Variants in KIAA1217 observed in about 807,000 individuals in gnomAD.
KIAA1217 encodes the protein sickle tail protein homolog.
Under a neutral mutation model 163.9 loss-of-function variants are expected in KIAA1217, and 88 were observed. The ratio of observed to expected loss-of-function variants is 0.54; its 90% CI spans 0.45 to 0.64. KIAA1217 has a LOEUF of 0.64. Ranked by LOEUF, KIAA1217 falls within the 30% of genes least tolerant of loss-of-function variation. KIAA1217 has a pLI of 0.00. For synonymous variants in KIAA1217, 903 were observed against 923.1 expected, an observed-to-expected ratio of 0.98 and a Z score of 0.39; for missense variants, 2,372 against 2,475.0, an observed-to-expected ratio of 0.96 and a Z score of 0.88.
intron 4 of KIAA1217, 22 bp downstream of exon 4, chr10:24,433,215 T>C: frequency 6.3e-7 from 1 of 1,586,996 alleles, no homozygotes; most frequent in Non-Finnish European, 8.6e-7. Context: ...CATCATTTTT[T>C]GCCTGCCATT....
chr10:24,106,106 C>T (rs1448903731), intron 2 of KIAA1217, among the ~76,000 whole-genome samples: 1 of 152,108 alleles, frequency 6.6e-6, no homozygotes, highest in Non-Finnish European at 1.5e-5. Flanking sequence ...CAGATGGTGG[C>T]AGTGTATGTG....
intron 2 of KIAA1217, among the ~76,000 whole-genome samples, chr10:24,044,554 T>C (rs1848853909): frequency 6.6e-6 from 1 of 152,092 alleles, no homozygotes; most frequent in African/African-American, 2.4e-5. Context: ...TAGACTAGTG[T>C]AGTGACCCTT....
chr10:24,451,090 A>G (rs1353768289), intron 5 of KIAA1217, among the ~76,000 whole-genome samples: 1 of 152,182 alleles, frequency 6.6e-6, no homozygotes, highest in Non-Finnish European at 1.5e-5. Flanking sequence ...AGTGAACATC[A>G]GAGAGTGTAG....
chr10:24,295,058 A>G (rs2040426033), intron 2 of KIAA1217, among the ~76,000 whole-genome samples: 1 of 152,194 alleles, frequency 6.6e-6, no homozygotes, highest in Non-Finnish European at 1.5e-5. Context: ...TAAAACCAAC[A>G]TAGTATTGGG....
chr10:24,043,347 A>G (rs1253350464), intron 2 of KIAA1217, among the ~76,000 whole-genome samples: 1 of 152,094 alleles, frequency 6.6e-6, no homozygotes, highest in Non-Finnish European at 1.5e-5. Context: ...GGGAGTTTTT[A>G]TTTTCTAAAA....
chr10:23,843,365 C>T (rs924425073), intron 1 of KIAA1217, among the ~76,000 whole-genome samples: 1 of 152,038 alleles, frequency 6.6e-6, no homozygotes, highest in Admixed American at 6.6e-5. Context: ...AAGCCTTTTT[C>T]CAACTCCCAG....
intron 2 of KIAA1217, among the ~76,000 whole-genome samples, chr10:24,243,117 T>G (rs1388856995): frequency 6.6e-6 from 1 of 152,186 alleles, no homozygotes; most frequent in East Asian, 1.9e-4. Flanking sequence ...TTGTTGCAAT[T>G]GAAAGCAAAT....
intron 1 of KIAA1217, among the ~76,000 whole-genome samples, chr10:23,870,309 C>T (rs1840398160): frequency 6.6e-6 from 1 of 152,080 alleles, no homozygotes; most frequent in African/African-American, 2.4e-5. Flanking sequence ...TTCCTGCTCA[C>T]TGCTTGGCCA....
intron 2 of KIAA1217, among the ~76,000 whole-genome samples, chr10:24,012,764 T>C (rs1018748437): frequency 1.3e-5 from 2 of 152,098 alleles, no homozygotes; most frequent in African/African-American, 2.4e-5. Flanking sequence ...GAAGTCAAGG[T>C]TGTTTCTTAA....
intron 1 of KIAA1217, among the ~76,000 whole-genome samples, chr10:23,721,655 T>C (rs1837878730): frequency 6.6e-6 from 1 of 152,054 alleles, no homozygotes; most frequent in South Asian, 2.1e-4. Flanking sequence ...TGAAGATAAA[T>C]AAATTGTTAA....
chr10:24,478,979 G>A (rs2064341402), intron 6 of KIAA1217, among the ~76,000 whole-genome samples: 1 of 152,180 alleles, frequency 6.6e-6, no homozygotes, highest in Admixed American at 6.5e-5. Flanking sequence ...AACTTGAACT[G>A]AGATTGTATT....
At chr10:23,936,235 G>A (rs1843519150) in intron 1 of KIAA1217, among the ~76,000 whole-genome samples, 1 of 152,120 alleles carries the variant, frequency 6.6e-6, no homozygotes, top group South Asian at 2.1e-4. Flanking sequence ...GAGGTCATGG[G>A]GACCCATGAT....
intron 2 of KIAA1217, among the ~76,000 whole-genome samples, chr10:24,272,235 G>A (rs562227317): frequency 2.6e-5 from 4 of 152,328 alleles, no homozygotes; most frequent in African/African-American, 9.6e-5. Context: ...AGGGATGTCA[G>A]TGGTGCTCAC....
intron 2 of KIAA1217, among the ~76,000 whole-genome samples, chr10:24,281,965 G>A (rs1397389629): frequency 6.6e-6 from 1 of 152,100 alleles, no homozygotes; most frequent in Non-Finnish European, 1.5e-5. Flanking sequence ...GCTGAGGCAG[G>A]AGAATGGTGT....
chr10:24,170,574 G>C (rs7921603), intron 2 of KIAA1217, among the ~76,000 whole-genome samples: 2 of 152,162 alleles, frequency 1.3e-5, no homozygotes, highest in Non-Finnish European at 2.9e-5. Flanking sequence ...TAAGTCCAAA[G>C]TCAGTGATAT....
At chr10:24,401,416 G>A (rs986338936) in intron 3 of KIAA1217, among the ~76,000 whole-genome samples, 6 of 152,108 alleles carry the variant, frequency 3.9e-5, no homozygotes, top group African/African-American at 7.2e-5. Context: ...GTTTATTCCA[G>A]GTATGCACGG....
At chr10:24,351,006 A>C (rs557414269) in intron 2 of KIAA1217, among the ~76,000 whole-genome samples, 1 of 152,180 alleles carries the variant, frequency 6.6e-6, no homozygotes, top group East Asian at 1.9e-4. Context: ...GAGTGCAAGT[A>C]GTGTGATCTC....
chr10:23,750,962 C>A (rs1839701474), intron 1 of KIAA1217, among the ~76,000 whole-genome samples: 1 of 151,222 alleles, frequency 6.6e-6, no homozygotes, highest in Non-Finnish European at 1.5e-5. Context: ...CCTTCCCCTC[C>A]CCTCCCTTCC....
rs140678055 is a variant in KIAA1217 at position 24,014,412 on chromosome 10, T to C, written c.-171+7038T>C. ...ATAAACAAATCACTGCTTTAAACAG[T>C]GTAGGAGAGAGTACACTACTTCAAA... On this transcript the variant is annotated intron_variant, in intron 2 of 18. Transcript: ENST00000376462. 3.1e-3 allele frequency among the ~76,000 whole-genome samples: 468 copies of C among 152,238 alleles called. 6 individuals carry two copies. Among genetic ancestry groups the C allele is most frequent in the African/African-American group, 0.011 (459 of 41,566 alleles).
Sources: allele counts gnomAD v4.1 joint callset (sites outside exome capture counted in the v4.1 genomes callset), GRCh38; gene constraint gnomAD v4.1.1; transcripts MANE v1.5; gene names NCBI Gene and HGNC (gene_info 2026-07-23, HGNC 2026-07-21).